BMAL1: variants seen among roughly 807,000 people sequenced by gnomAD.
The protein encoded by BMAL1 is basic helix-loop-helix ARNT like 1.
chr11:13,369,396 C>T, the BMAL1 span, among the ~76,000 whole-genome samples: 1 of 152,196 alleles, frequency 6.6e-6, no homozygotes, highest in Non-Finnish European at 1.5e-5. Flanking sequence ...GTACCTAATC[C>T]ATTTATTTAG....
chr11:13,322,860 G>C, the BMAL1 span, among the ~76,000 whole-genome samples: 5 of 136,214 alleles, frequency 3.7e-5, no homozygotes, highest in African/African-American at 1.1e-4. Context: ...CATGATCCTA[G>C]CTCACTGCAA....
chr11:13,372,365 T>C, the BMAL1 span: 3 of 1,614,186 alleles, frequency 1.9e-6, no homozygotes, highest in Non-Finnish European at 2.5e-6. Flanking sequence ...TGGAATATGT[T>C]TCTCGGCACG....
the BMAL1 span, among the ~76,000 whole-genome samples, chr11:13,338,580 G>A: frequency 1.3e-5 from 2 of 152,170 alleles, no homozygotes; most frequent in Non-Finnish European, 2.9e-5. Context: ...GTATGAGCCT[G>A]CCCTGCCCTC....
chr11:13,298,273 A>G, the BMAL1 span, among the ~76,000 whole-genome samples: 1 of 152,218 alleles, frequency 6.6e-6, no homozygotes. Flanking sequence ...CAAACACACC[A>G]GGCATGCTTC....
At chr11:13,376,791 C>T in the BMAL1 span, 2 of 1,505,912 alleles carry the variant, frequency 1.3e-6, no homozygotes, top group Admixed American at 3.5e-5. Flanking sequence ...GTCAAATATC[C>T]TCCCCTAAAG....
the BMAL1 span, among the ~76,000 whole-genome samples, chr11:13,304,807 A>G: frequency 1.3e-4 from 20 of 152,190 alleles, no homozygotes; most frequent in Non-Finnish European, 1.6e-4. Flanking sequence ...ACAACCCACA[A>G]AAGTGCACAA....
the BMAL1 span, chr11:13,381,040 A>G: frequency 1.1e-6 from 1 of 905,494 alleles, no homozygotes; most frequent in South Asian, 1.5e-5. Context: ...CTGGCCCCTT[A>G]CAGAAAAAGC....
the BMAL1 span, among the ~76,000 whole-genome samples, chr11:13,312,382 C>A: frequency 6.6e-6 from 1 of 152,154 alleles, no homozygotes; most frequent in Non-Finnish European, 1.5e-5. Flanking sequence ...TGTAGAAGGA[C>A]TAGAGATAGA....
At chr11:13,294,411 T>C in the BMAL1 span, among the ~76,000 whole-genome samples, 8,319 of 139,282 alleles carry the variant, frequency 0.06, 785 homozygotes, top group African/African-American at 0.2. Context: ...TTTCAACGAG[T>C]GTGAATTACT....
At chr11:13,303,826 C>T in the BMAL1 span, among the ~76,000 whole-genome samples, 1 of 152,118 alleles carries the variant, frequency 6.6e-6, no homozygotes, top group Non-Finnish European at 1.5e-5. Context: ...GCAAGGGAGG[C>T]TGGGAAAGGA....
the BMAL1 span, chr11:13,375,513 C>G: frequency 2.0e-6 from 2 of 1,017,752 alleles, no homozygotes; most frequent in Non-Finnish European, 1.4e-6. Context: ...AGAGCGATGT[C>G]GTTGGAGCTC....
the BMAL1 span, among the ~76,000 whole-genome samples, chr11:13,305,528 A>C: frequency 6.6e-6 from 1 of 152,304 alleles, no homozygotes; most frequent in Non-Finnish European, 1.5e-5. Flanking sequence ...TTCTGCATAG[A>C]CAATTGTATC....
At chr11:13,359,347 G>A in the BMAL1 span, among the ~76,000 whole-genome samples, 5 of 152,278 alleles carry the variant, frequency 3.3e-5, no homozygotes, top group East Asian at 3.9e-4. Context: ...GAAGAATTGC[G>A]TCTTTTTATA....
chr11:13,297,564 C>T, the BMAL1 span, among the ~76,000 whole-genome samples: 1 of 152,184 alleles, frequency 6.6e-6, no homozygotes, highest in African/African-American at 2.4e-5. Context: ...TGAGGGTGGG[C>T]AGGCTGCAGA....
the BMAL1 span, among the ~76,000 whole-genome samples, chr11:13,291,484 C>T: frequency 6.6e-6 from 1 of 152,122 alleles, no homozygotes; most frequent in Non-Finnish European, 1.5e-5. Context: ...GGGAGGATGC[C>T]TCCTAGTCTA....
chr11:13,381,285 A>T, the BMAL1 span: 1 of 1,606,380 alleles, frequency 6.2e-7, no homozygotes, highest in South Asian at 1.1e-5. Context: ...CCTAAGCTAG[A>T]GAACCTCTTG....
chr11:13,334,991 T>A, the BMAL1 span, among the ~76,000 whole-genome samples: 1 of 152,350 alleles, frequency 6.6e-6, no homozygotes, highest in East Asian at 1.9e-4. Flanking sequence ...TTCCGGTCAC[T>A]ATTTTCCAGA....
the BMAL1 span, among the ~76,000 whole-genome samples, chr11:13,333,987 A>C: frequency 6.6e-6 from 1 of 152,152 alleles, no homozygotes; most frequent in Non-Finnish European, 1.5e-5. Context: ...GTCAGTATTA[A>C]TCCCAGTAAA....
chr11:13,295,710 G>A, the BMAL1 span, among the ~76,000 whole-genome samples: 2 of 152,248 alleles, frequency 1.3e-5, no homozygotes, highest in African/African-American at 4.8e-5. Context: ...TAAAGAACAC[G>A]GAGCAAATTT....
Sources: allele counts gnomAD v4.1 joint callset (sites outside exome capture counted in the v4.1 genomes callset), GRCh38; gene constraint gnomAD v4.1.1; transcripts MANE v1.5; gene names NCBI Gene and HGNC (gene_info 2026-07-23, HGNC 2026-07-21).